The following ARID4A variants were observed in gnomAD, a reference collection of about 807,000 sequenced individuals.
The protein encoded by ARID4A is AT-rich interaction domain 4A, also known as AT-rich interactive domain-containing protein 4A.
A neutral mutation model predicts 148.6 loss-of-function variants in ARID4A; 39 were observed. That is an observed-to-expected ratio of 0.26 (90% CI 0.20 to 0.34). The LOEUF is 0.34. Ranked by LOEUF, ARID4A falls within the 10% of genes least tolerant of loss-of-function variation. The probability of loss-of-function intolerance (pLI) is 1.00; values close to 1 mark genes in which losing one functional copy is unlikely to be tolerated. For missense variants in ARID4A, 1,265 were observed against 1,449.1 expected, an observed-to-expected ratio of 0.87 and a Z score of 2.06; for synonymous variants, 475 against 481.2, an observed-to-expected ratio of 0.99 and a Z score of 0.17.
intron 13 of ARID4A, among the ~76,000 whole-genome samples, chr14:58,346,714 G>A (rs2034381005): frequency 6.6e-6 from 1 of 151,284 alleles, no homozygotes; most frequent in Non-Finnish European, 1.5e-5. Context: ...GATTGCTTAA[G>A]CTCAGGAATT....
Position 58,347,707 on chromosome 14 carries a change from T to C in ARID4A, c.1233T>C (p.His411=). ...CAAATATTCAGTTCAGAACTGTTCA[T>C]CACCATGAACCAAAAGTAAAAGAGG... ...RSANIQFRTV[H]HHEPKVKEEK... The change falls in exon 15 of 24, where the codon CAT becomes CAC. Residue 411 remains histidine, a synonymous_variant. Coordinates refer to ENST00000355431, the MANE Select transcript of ARID4A (RefSeq NM_002892.4). 1 of 1,613,948 alleles carries C rather than the reference T, an allele frequency of 6.2e-7. No individual in the cohort carries two copies. Among genetic ancestry groups the C allele is most frequent in the Non-Finnish European group, 8.5e-7 (1 of 1,179,940 alleles).
chr14:58,321,688 A>ATTTC (rs2032900311), intron 7 of ARID4A, among the ~76,000 whole-genome samples: 1 of 152,156 alleles, frequency 6.6e-6, no homozygotes, highest in African/African-American at 2.4e-5. Flanking sequence ...GCAAAGTCAG[A>ATTTC]TAACACCTAA....
In ARID4A at chr14:58,364,601, T is replaced by G. The variant is rs1329231264; in HGVS notation, c.2512T>G (p.Phe838Val). The change falls in exon 20 of 24, where the codon TTT becomes GTT. Residue 838 changes from phenylalanine (F) to valine (V), a missense_variant. By Grantham distance (50) the Phe-to-Val change is conservative. This residue lies in a region of ARID4A where 666 missense variants were observed against 730.9 expected (regional missense o/e 0.91). Transcript: ENST00000355431. The part of the protein sequence containing the change: ...LELSSLDNKN[F>V]SSATEDEIDQ... ...ATTGTCTTCATTAGACAATAAAAAC[T>G]TTTCTTCTGCTACAGAAGATGAAAT... The G allele has an allele frequency of 1.2e-6, 2 of 1,613,204 alleles. No individual in the cohort carries two copies. The highest frequency in any genetic ancestry group is 2.7e-5 in the African/African-American group (2 of 74,834).
chr14:58,307,060 C>T (rs974799158), intron 5 of ARID4A, among the ~76,000 whole-genome samples: 1 of 152,164 alleles, frequency 6.6e-6, no homozygotes, highest in Non-Finnish European at 1.5e-5. Flanking sequence ...TAAATAGTTG[C>T]TGTCATTATG....
At chr14:58,363,301 A>G (rs561518436) in intron 19 of ARID4A, among the ~76,000 whole-genome samples, 4 of 152,330 alleles carry the variant, frequency 2.6e-5, no homozygotes, top group Admixed American at 2.6e-4. Flanking sequence ...TTAGAACCCT[A>G]CTTTACTATT....
rs768741354 is a variant in ARID4A at position 58,364,491 on chromosome 14, A to G, written c.2402A>G (p.Asp801Gly). Residue 801 changes from aspartate to glycine, a missense_variant, in exon 20 of 24, where the codon GAT becomes GGT. Transcript: ENST00000355431. Reference sequence around the variant, plus strand: ...AAGGGAAGACGAAGCAAGACAAAAGATCTTTCTTTAGAAATTATAAAGATT... The same window carrying G: ...AAGGGAAGACGAAGCAAGACAAAAGGTCTTTCTTTAGAAATTATAAAGATT... ...KGKGRRSKTK[D>G]LSLEIIKISS... 6.2e-7 allele frequency: 1 copy of G among 1,612,570 alleles called. No individual in the cohort carries two copies. The highest frequency in any genetic ancestry group is 1.1e-5 in the South Asian group (1 of 90,572).
chr14:58,339,468 A>G (rs74055625), intron 11 of ARID4A, among the ~76,000 whole-genome samples: 2,388 of 152,294 alleles, frequency 0.016, 73 homozygotes, highest in African/African-American at 0.054. Context: ...CCAAGCCACC[A>G]ATTAGAACTG....
intron 11 of ARID4A, among the ~76,000 whole-genome samples, chr14:58,332,640 A>G (rs183893790): frequency 6.6e-6 from 1 of 152,260 alleles, no homozygotes; most frequent in Admixed American, 6.5e-5. Context: ...GGGAATGACT[A>G]TGATGTAAAA....
At chr14:58,313,984 T>A (rs1249192391) in intron 5 of ARID4A, among the ~76,000 whole-genome samples, 1 of 150,362 alleles carries the variant, frequency 6.7e-6, no homozygotes, top group Non-Finnish European at 1.5e-5. Context: ...CAGAAGTAAT[T>A]GCTTTACCAC....
chr14:58,302,256 G>A (rs1284664708), intron 3 of ARID4A, among the ~76,000 whole-genome samples: 1 of 152,096 alleles, frequency 6.6e-6, no homozygotes, highest in Non-Finnish European at 1.5e-5. Flanking sequence ...CACTTTGGGA[G>A]GCTGAGGTGG....
At position 58,364,628 on chromosome 14, in the gene ARID4A, G is replaced by T. The variant is rs2035275117; in HGVS notation, c.2539G>T (p.Asp847Tyr). Residue 847 changes from aspartate (D) to tyrosine (Y), a missense_variant, in exon 20 of 24, where the codon GAC becomes TAC. Physicochemically the swap from Asp to Tyr is radical, Grantham distance 160. Coordinates refer to ENST00000355431, the MANE Select transcript of ARID4A (RefSeq NM_002892.4). ...NFSSATEDEIDQCVKEKKLKR... is the reference protein window; with the variant it reads ...NFSSATEDEIYQCVKEKKLKR... Reference sequence around the variant, plus strand: ...TTCTTCTGCTACAGAAGATGAAATTGACCAATGTGTGAAAGAAAAGAAGTT... The same window carrying T: ...TTCTTCTGCTACAGAAGATGAAATTTACCAATGTGTGAAAGAAAAGAAGTT... 1 of 1,613,742 alleles carries T rather than the reference G, an allele frequency of 6.2e-7. No homozygotes were observed. Among genetic ancestry groups the T allele is most frequent in the South Asian group, 1.1e-5 (1 of 90,990 alleles).
At chr14:58,353,963 G>A in intron 17 of ARID4A, 108 bp downstream of exon 17, 1 of 996,482 alleles carries the variant, frequency 1.0e-6, no homozygotes, top group Admixed American at 2.5e-5. Context: ...TATTTACAAA[G>A]CACACCTTGG....
intron 14 of ARID4A, 104 bp downstream of exon 14, chr14:58,347,221 G>C (rs112080964): frequency 1.0e-5 from 6 of 590,930 alleles, no homozygotes; most frequent in African/African-American, 5.8e-5. Flanking sequence ...TAAAGTTAGA[G>C]AAAGTATATA....
chr14:58,323,353 C>A, intron 7 of ARID4A, 132 bp from the exon 8 acceptor site: 1 of 1,047,120 alleles, frequency 9.5e-7, no homozygotes, highest in Non-Finnish European at 1.4e-6. Context: ...TCTTCAGTTA[C>A]AATAAGAATG....
chr14:58,330,040 T>C lies in ARID4A; in HGVS notation c.777T>C (p.Val259=). Residue 259 remains valine (V), a synonymous_variant, in exon 11 of 24, where the codon GTT becomes GTC. Transcript: ENST00000355431. Reference sequence around the variant, plus strand: ...CAAGCATCTTCTTAAAAACTAGAGTTGTTCCTGATAATTGGAAAATGGATA... The same window carrying C: ...CAAGCATCTTCTTAAAAACTAGAGTCGTTCCTGATAATTGGAAAATGGATA... ...QKASIFLKTR[V]VPDNWKMDIS... is the part of the protein sequence containing the mutation. The C allele has an allele frequency of 6.2e-7, 1 of 1,611,842 alleles. No individual in the cohort carries two copies. The highest frequency in any genetic ancestry group is 8.5e-7 in the Non-Finnish European group (1 of 1,179,472).
At chr14:58,370,383 G>A (rs770442856) in intron 23 of ARID4A, among the ~76,000 whole-genome samples, 61 of 152,210 alleles carry the variant, frequency 4.0e-4, no homozygotes, top group Middle Eastern at 6.8e-3. Flanking sequence ...TGCAGCCTCC[G>A]CCTCCCGGGT....
At position 58,372,511 on chromosome 14, in the gene ARID4A, C is replaced by G. The variant is rs1272267566; in HGVS notation, c.*522C>G. 4.6e-6 allele frequency: 1 copy of G among 219,218 alleles called. No individual in the cohort carries two copies. The highest frequency in any genetic ancestry group is 2.3e-5 in the African/African-American group (1 of 44,408). The allele number at this position is 219,218 out of a possible 1,614,324, so 13.6% of individuals were successfully genotyped here. ...GCCAAAGTATATGTTCAGCAGTGTG[C>G]CCAGGATTGAAGGTGTAAATGGGAC... On this transcript the variant is annotated 3_prime_UTR_variant, in exon 24 of 24. Transcript: ENST00000355431.
intron 5 of ARID4A, among the ~76,000 whole-genome samples, chr14:58,317,892 C>T (rs1453288626): frequency 6.6e-6 from 1 of 151,368 alleles, no homozygotes; most frequent in Non-Finnish European, 1.5e-5. Context: ...CGAGCACTTT[C>T]GGAGGCTTAG....
rs575803301 is a variant in ARID4A at position 58,344,200 on chromosome 14, T to C, written c.907-495T>C. Among the ~76,000 whole-genome samples the C allele has an allele frequency of 9.2e-4, 140 of 152,312 alleles. No homozygotes were observed. In the South Asian group the frequency reaches 1.0e-2, roughly 11 times the overall value. On this transcript the variant is annotated intron_variant, in intron 11 of 23. Transcript: ENST00000355431. ...AATATCTTTAAAACATTGTGCCATCTAAACAGAAATCCTTTGCCACTGTGA... is the reference window on the plus strand; with the variant it reads ...AATATCTTTAAAACATTGTGCCATCCAAACAGAAATCCTTTGCCACTGTGA...
Sources: allele counts gnomAD v4.1 joint callset (sites outside exome capture counted in the v4.1 genomes callset), GRCh38; gene constraint gnomAD v4.1.1; regional missense constraint gnomAD v4.1.1; transcripts MANE v1.5; gene names NCBI Gene and HGNC (gene_info 2026-07-23, HGNC 2026-07-21).